Variants in NT5DC4 observed in about 807,000 individuals in gnomAD.
NT5DC4 encodes 5'-nucleotidase domain-containing protein 4.
A neutral mutation model predicts 26.6 loss-of-function variants in NT5DC4; 44 were observed. The ratio of observed to expected loss-of-function variants is 1.65; its 90% CI spans 1.30 to 2.13. NT5DC4 has a LOEUF of 2.13. NT5DC4 is among the 30% of genes most tolerant of loss of function. NT5DC4 has a pLI of 0.00. For synonymous variants in NT5DC4, 157 were observed against 86.7 expected (o/e 1.81, Z -4.51); for missense variants, 399 against 228.1 (o/e 1.75, Z -4.83).
intron 1 of NT5DC4, chr2:112,721,591 C>T (rs771465333): frequency 7.2e-5 from 52 of 717,586 alleles, no homozygotes; most frequent in Middle Eastern, 4.6e-4. Flanking sequence ...CTCAGATGCA[C>T]GCTTGCACAC....
rs2138604 is a variant in NT5DC4 at position 112,726,742 on chromosome 2, G to A, written c.1266+4G>A. 0.99 allele frequency: 713,187 copies of A among 717,496 alleles called. 354,571 individuals are homozygous for A. The highest frequency in any genetic ancestry group is 1 in the East Asian group (37,280 of 37,280). The allele number at this position is 717,496 out of a possible 1,614,324, so 44.4% of individuals were successfully genotyped here. ...CTTCACCAAGAGAGAGATCCAGGTG[G>A]GAGCTGGGTGGCGAGGGAAGGGACA... On this transcript the variant is annotated splice_donor_region_variant and intron_variant, in intron 15 of 16. Coordinates refer to ENST00000688554, the MANE Select transcript of NT5DC4 (RefSeq NM_001393655.1).
At chr2:112,734,364 T>G (rs1183292947) in intron 16 of NT5DC4, among the ~76,000 whole-genome samples, 2 of 152,206 alleles carry the variant, frequency 1.3e-5, no homozygotes, top group East Asian at 1.9e-4. Flanking sequence ...TGGACATAGC[T>G]TGCTCTCTCC....
At chr2:112,736,163 G>A (rs917329318) in intron 16 of NT5DC4, among the ~76,000 whole-genome samples, 8 of 151,986 alleles carry the variant, frequency 5.3e-5, no homozygotes, top group Admixed American at 3.9e-4. Flanking sequence ...CCTGGTCGAC[G>A]GGCTTAGGAC....
In NT5DC4 at chr2:112,724,848, A is replaced by G; in HGVS notation, c.857A>G (p.His286Arg). ...DLIVVDTQKP[H>R]FFAEGLVLRQ... ...ATCGTGGTGGACACGCAGAAGCCCC[A>G]CTTCTTTGCAGAGGGGTTGGTCCTG... The change falls in exon 11 of 17, where the codon CAC becomes CGC. Residue 286 changes from histidine to arginine, a missense_variant. By Grantham distance (29) the His-to-Arg change is conservative. Transcript: ENST00000688554. The G allele has an allele frequency of 8.4e-6, 6 of 717,080 alleles. No homozygotes were observed. The highest frequency in any genetic ancestry group is 1.3e-5 in the Non-Finnish European group (5 of 385,004). The allele number at this position is 717,080 out of a possible 1,614,324, so 44.4% of individuals were successfully genotyped here. A position where few individuals can be genotyped will look rare whatever the true frequency, so the allele number is the denominator to read the frequency against.
chr2:112,730,381 T>C (rs1351772988), intron 16 of NT5DC4, among the ~76,000 whole-genome samples: 1 of 151,322 alleles, frequency 6.6e-6, no homozygotes, highest in Admixed American at 6.6e-5. Flanking sequence ...CAGTGCTTTG[T>C]GCACTGTTGG....
In NT5DC4 at chr2:112,738,978, G is replaced by A. The variant is rs1380747619; in HGVS notation, c.*42G>A. 5.6e-6 allele frequency: 9 copies of A among 1,614,118 alleles called. No homozygotes were observed. Among genetic ancestry groups the A allele is most frequent in the East Asian group, 4.5e-5 (2 of 44,884 alleles). On this transcript the variant is annotated 3_prime_UTR_variant, in exon 17 of 17. Transcript: ENST00000688554. ...ATTTCTGGGTAGCGGGACACTGCTCGCTCAATCCTCGACGAACGCCGTACA... is the reference window on the plus strand; with the variant it reads ...ATTTCTGGGTAGCGGGACACTGCTCACTCAATCCTCGACGAACGCCGTACA...
downstream of NT5DC4, chr2:112,740,916 A>T (rs1679897482): frequency 6.2e-7 from 1 of 1,613,746 alleles, no homozygotes. Flanking sequence ...TCTCTTTTGG[A>T]GAAAGACAAG....
At chr2:112,729,155 C>A (rs1035687504) in intron 15 of NT5DC4, among the ~76,000 whole-genome samples, 28 of 152,192 alleles carry the variant, frequency 1.8e-4, no homozygotes, top group African/African-American at 6.8e-4. Flanking sequence ...CCAAGTCTAG[C>A]TCTGCTGCCC....
downstream of NT5DC4, chr2:112,740,744 T>C (rs1021351896): frequency 8.0e-6 from 10 of 1,242,244 alleles, no homozygotes; most frequent in Admixed American, 1.9e-4. Context: ...TTACTCTAGA[T>C]CTGTGAAGGA....
intron 16 of NT5DC4, chr2:112,737,799 T>G (rs1199069951): frequency 1.3e-5 from 2 of 152,196 alleles, no homozygotes; most frequent in Non-Finnish European, 2.9e-5. Flanking sequence ...GGTATATCCT[T>G]AGACAAACTC....
intron 10 of NT5DC4, 58 bp downstream of exon 10, chr2:112,724,184 C>G: frequency 1.4e-6 from 1 of 715,762 alleles, no homozygotes. Context: ...GGCCAGGGTG[C>G]CAGGCTGCAC....
chr2:112,720,774 C>CCA (rs1334940567), upstream of NT5DC4, among the ~76,000 whole-genome samples: 2 of 152,210 alleles, frequency 1.3e-5, no homozygotes, highest in Non-Finnish European at 2.9e-5. Context: ...TCTGGGTTCT[C>CCA]CGCTACTCTC....
At chr2:112,720,233 TTC>T (rs71982380), upstream of NT5DC4, among the ~76,000 whole-genome samples, 10,597 of 30,886 alleles carry the variant, frequency 0.34, 886 homozygotes, top group Admixed American at 0.45. Flanking sequence ...AATTTTTTTT[TTC>T]TTCGTATTTT....
intron 4 of NT5DC4, 47 bp from the exon 5 acceptor site, chr2:112,722,436 G>A: frequency 2.8e-6 from 2 of 716,534 alleles, no homozygotes; most frequent in Non-Finnish European, 5.2e-6. Context: ...CCAGAGCCTG[G>A]ACAGGCCTCC....
At chr2:112,734,624 C>T (rs1176203985) in intron 16 of NT5DC4, among the ~76,000 whole-genome samples, 1 of 152,164 alleles carries the variant, frequency 6.6e-6, no homozygotes, top group East Asian at 1.9e-4. Context: ...CATGCGCATA[C>T]TGGGGTTGAG....
chr2:112,723,149 A>G lies in NT5DC4; in HGVS notation c.596A>G (p.Asp199Gly), dbSNP rs1004155664. Reference protein sequence around the residue: ...SFRSLFQDVTDAMNNIHQSGC... With the variant: ...SFRSLFQDVTGAMNNIHQSGC... ...CGAAGCCTCTTCCAGGATGTGACTG[A>G]TGCCATGAATAACATCCACCAGTCG... The change falls in exon 7 of 17, where the codon GAT becomes GGT. Residue 199 changes from aspartate (D) to glycine (G), a missense_variant. Coordinates refer to ENST00000688554, the MANE Select transcript of NT5DC4 (RefSeq NM_001393655.1). 1 of 717,236 alleles carries G rather than the reference A, an allele frequency of 1.4e-6. No homozygotes were observed. The highest frequency in any genetic ancestry group is 1.7e-5 in the African/African-American group (1 of 57,234). The allele number at this position is 717,236 out of a possible 1,614,324, so 44.4% of individuals were successfully genotyped here.
rs534689934 is a variant in NT5DC4, at chr2:112,722,841, GGGGCCCCCCAA to G, written c.527+75_527+85del. 2.0e-4 allele frequency: 130 copies of G among 645,818 alleles called. No individual in the cohort carries two copies. In the East Asian group the frequency reaches 4.3e-3, roughly 21 times the overall value. 40.0% of individuals were successfully genotyped at this position (645,818 alleles called of 1,614,324 possible). A position where few individuals can be genotyped will look rare whatever the true frequency, so the allele number is the denominator to read the frequency against. Reference sequence around the variant, plus strand: ...CTGCTCAGGGACCAAACCCCAAAGAGGGGCCCCCCAAGGGCTCCCCAAGAGGCTGGAAGGGC... The same window carrying G: ...CTGCTCAGGGACCAAACCCCAAAGAGGGGCTCCCCAAGAGGCTGGAAGGGC... On this transcript the variant is annotated intron_variant, in intron 6 of 16. Coordinates refer to ENST00000688554, the MANE Select transcript of NT5DC4 (RefSeq NM_001393655.1).
At chr2:112,725,641 G>A (rs1677607924) in intron 13 of NT5DC4, 89 bp downstream of exon 13, 1 of 582,814 alleles carries the variant, frequency 1.7e-6, no homozygotes, top group South Asian at 2.2e-5. Context: ...CCCGTGGGGG[G>A]TTAGTAGTTG....
chr2:112,720,012 CCCTTCCTT>C (rs770903380), upstream of NT5DC4, among the ~76,000 whole-genome samples: 22 of 97,638 alleles, frequency 2.3e-4, no homozygotes, highest in Admixed American at 5.1e-4. Context: ...CTTTTCTTTT[CCCTTCCTT>C]CCTTCCTTCC....
Sources: allele counts gnomAD v4.1 joint callset (sites outside exome capture counted in the v4.1 genomes callset), GRCh38; gene constraint gnomAD v4.1.1; transcripts MANE v1.5; gene names NCBI Gene and HGNC (gene_info 2026-07-23, HGNC 2026-07-21).